The following GAL3ST1 variants were observed in gnomAD, a reference collection of about 807,000 sequenced individuals.
The protein encoded by GAL3ST1 is galactosylceramide sulfotransferase.
A neutral mutation model predicts 25.0 loss-of-function variants in GAL3ST1; 13 were observed. That is an observed-to-expected ratio of 0.52 (90% CI 0.34 to 0.83). GAL3ST1 has a LOEUF of 0.83. Among genes scored for constraint, GAL3ST1 ranks in the 40% least tolerant of loss-of-function variants. The pLI is 0.02. For synonymous variants in GAL3ST1, 274 were observed against 277.8 expected (o/e 0.99, Z 0.14); for missense variants, 474 against 613.6 (o/e 0.77, Z 2.40).
At chr22:30,564,245 T>C (rs1887333451) in intron 1 of GAL3ST1, among the ~76,000 whole-genome samples, 1 of 152,224 alleles carries the variant, frequency 6.6e-6, no homozygotes, top group South Asian at 2.1e-4. Context: ...ATCATTATCA[T>C]CATTACGTTC....
intron 1 of GAL3ST1, among the ~76,000 whole-genome samples, chr22:30,559,115 G>A (rs2086218123): frequency 6.6e-6 from 1 of 151,696 alleles, no homozygotes; most frequent in South Asian, 2.1e-4. Context: ...CCAAGATGGT[G>A]CCACTGTATT....
rs2086723276 is a variant in GAL3ST1, at chr22:30,569,621, G to T, written c.-120+4845C>A. ...GGGGAGGGAAAGAGGTAGGCGGGGA[G>T]CTGGGCACCAAAGTGGGAATTGAGG... is the stretch of plus-strand genomic sequence containing the variant. On this transcript the variant is annotated intron_variant, in intron 1 of 3. Coordinates refer to ENST00000406361, the MANE Select transcript of GAL3ST1 (RefSeq NM_001318104.2). Among the ~76,000 whole-genome samples the T allele has an allele frequency of 2.6e-5, 4 of 152,104 alleles. No individual in the cohort carries two copies. The South Asian group carries it at 8.3e-4, about 31-fold the overall frequency.
Position 30,555,967 on chromosome 22 carries a change from C to T in GAL3ST1, c.258G>A (p.Thr86=), listed in dbSNP as rs1209588233. ...GGATGTTGAGCAGGGTGCTGCTGGCCGTCTTGTGCGTCTTCAAGAACACGA... is the reference window on the plus strand; with the variant it reads ...GGATGTTGAGCAGGGTGCTGCTGGCTGTCTTGTGCGTCTTCAAGAACACGA... ...RNIVFLKTHK[T]ASSTLLNILF... is the part of the protein sequence containing the mutation. The change falls in exon 4 of 4, where the codon ACG becomes ACA. Residue 86 remains threonine (T), a synonymous_variant. Coordinates refer to ENST00000406361, the MANE Select transcript of GAL3ST1 (RefSeq NM_001318104.2). This position sits in a 1 kb window ranked among gnomAD's most constrained non-coding sequence, Gnocchi z 8.6. The T allele has an allele frequency of 5.0e-6, 8 of 1,613,872 alleles. No individual in the cohort carries two copies. The South Asian group carries it at 6.6e-5, about 13-fold the overall frequency.
At chr22:30,561,632 C>G (rs2086412666) in intron 1 of GAL3ST1, among the ~76,000 whole-genome samples, 1 of 152,174 alleles carries the variant, frequency 6.6e-6, no homozygotes, top group African/African-American at 2.4e-5. Context: ...CTGTCCCAAG[C>G]CCAGGGGAAG....
intron 1 of GAL3ST1, among the ~76,000 whole-genome samples, chr22:30,572,090 C>A (rs150171569): frequency 0.012 from 1,778 of 152,244 alleles, 10 homozygotes; most frequent in Non-Finnish European, 0.018. Flanking sequence ...CTTAGAGAAG[C>A]GCTAACTGGG....
At chr22:30,557,191 A>G in intron 3 of GAL3ST1, 71 bp downstream of exon 3, 2 of 1,527,506 alleles carry the variant, frequency 1.3e-6, no homozygotes, top group Non-Finnish European at 1.8e-6. Context: ...TGTGGTAATT[A>G]CAGGGCCCCA....
chr22:30,561,372 G>C (rs1041830543), intron 1 of GAL3ST1, among the ~76,000 whole-genome samples: 1 of 152,214 alleles, frequency 6.6e-6, no homozygotes, highest in South Asian at 2.1e-4. Context: ...CCCAAAGCAG[G>C]GGCCTGCCTC....
intron 1 of GAL3ST1, chr22:30,572,724 T>C (rs1464308097): frequency 6.6e-6 from 1 of 152,320 alleles, no homozygotes; most frequent in Non-Finnish European, 1.5e-5. Flanking sequence ...ATGACCCCCA[T>C]GGGCACCTGT....
chr22:30,555,311 G>C lies in GAL3ST1; in HGVS notation c.914C>G (p.Ser305Cys). ...GGCGTTGAAGTGGCGGTAGAGGTGG[G>C]AGTCCAGCATGTTCCAGGCGGTGGC... The part of the protein sequence containing the change: ...GRATAWNMLD[S>C]HLYRHFNASF... Residue 305 changes from serine (S) to cysteine (C), a missense_variant, in exon 4 of 4, where the codon TCC becomes TGC. Physicochemically the swap from Ser to Cys is moderately radical, Grantham distance 112. Coordinates refer to ENST00000406361, the MANE Select transcript of GAL3ST1 (RefSeq NM_001318104.2). This position sits in a 1 kb window ranked among gnomAD's most constrained non-coding sequence, Gnocchi z 8.6. 6.2e-7 allele frequency: 1 copy of C among 1,604,766 alleles called. No homozygotes were observed. Among genetic ancestry groups the C allele is most frequent in the Non-Finnish European group, 8.5e-7 (1 of 1,177,122 alleles).
rs1418659565 is a variant in GAL3ST1, at chr22:30,556,087, C to T, written c.138G>A (p.Pro46=). 3 of 1,601,964 alleles carry T rather than the reference C, an allele frequency of 1.9e-6. No individual in the cohort carries two copies. The highest frequency in any genetic ancestry group is 1.7e-5 in the Admixed American group (1 of 59,834). The change falls in exon 4 of 4, where the codon CCG becomes CCA. Residue 46 remains proline (P), a synonymous_variant. Transcript: ENST00000406361. ...PLHAGLASTT[P]EAAASCSPPA... ...GTGGAGAGCAGGACGCTGCGGCCTC[C>T]GGGGTCCTGCTGGGGACAGAGAGGT...
chr22:30,566,527 G>T (rs192142781), intron 1 of GAL3ST1, among the ~76,000 whole-genome samples: 162 of 152,316 alleles, frequency 1.1e-3, no homozygotes, highest in Middle Eastern at 3.4e-3. Flanking sequence ...GGGAAGCAAA[G>T]ATTTCCAGAG....
chr22:30,557,623 G>A, intron 2 of GAL3ST1: 2 of 471,646 alleles, frequency 4.2e-6, no homozygotes, highest in Non-Finnish European at 7.5e-6. Context: ...CTCAAAGAGA[G>A]GTTGGGGAAT....
At chr22:30,574,292 C>T (rs927711525) in intron 1 of GAL3ST1, among the ~76,000 whole-genome samples, 174 bp downstream of exon 1, 3 of 152,124 alleles carry the variant, frequency 2.0e-5, no homozygotes, top group Non-Finnish European at 4.4e-5. Flanking sequence ...TACCAGGCCA[C>T]CCTCTGGCAG....
chr22:30,568,463 G>A (rs749449042), intron 1 of GAL3ST1, among the ~76,000 whole-genome samples: 6 of 152,222 alleles, frequency 3.9e-5, no homozygotes, highest in Admixed American at 6.5e-5. Flanking sequence ...TGGTCTCCAA[G>A]GATCTGGGCA....
intron 1 of GAL3ST1, 91 bp from the exon 2 acceptor site, chr22:30,558,479 GC>G (rs1346123048): frequency 6.6e-6 from 1 of 152,206 alleles, no homozygotes; most frequent in African/African-American, 2.4e-5. Flanking sequence ...CTGGGCCAGG[GC>G]TGTCTATAGG....
At chr22:30,556,668 C>T (rs915030236) in intron 3 of GAL3ST1, among the ~76,000 whole-genome samples, 2 of 152,164 alleles carry the variant, frequency 1.3e-5, no homozygotes, top group Admixed American at 6.5e-5. Flanking sequence ...CAAATCTGAG[C>T]CCTGTACAGA....
At chr22:30,566,926 G>A (rs761640140) in intron 1 of GAL3ST1, among the ~76,000 whole-genome samples, 1 of 151,858 alleles carries the variant, frequency 6.6e-6, no homozygotes, top group Non-Finnish European at 1.5e-5. Context: ...TCTTTGGCTG[G>A]TTCTCTACCC....
rs1046325119 is a variant in GAL3ST1, at chr22:30,569,449, T to C, written c.-120+5017A>G. 2.0e-5 allele frequency among the ~76,000 whole-genome samples: 3 copies of C among 152,112 alleles called. No individual in the cohort carries two copies. The East Asian group carries it at 5.8e-4, about 29-fold the overall frequency. The stretch of plus-strand genomic sequence containing the variant: ...GCTGGCTGGAGGTAGAGCTAGTCCC[T>C]GAGTCTGGGAGGCTGAGAAAGGGCC... On this transcript the variant is annotated intron_variant, in intron 1 of 3. Transcript: ENST00000406361.
rs2086858155 is a variant in GAL3ST1 at position 30,574,657 on chromosome 22, C to A, written c.-311G>T. 1 of 147,526 alleles carries A rather than the reference C, an allele frequency of 6.8e-6. No individual in the cohort carries two copies. The highest frequency in any genetic ancestry group is 1.8e-4 in the South Asian group (1 of 5,554). The allele number at this position is 147,526 out of a possible 1,614,324, so 9.1% of individuals were successfully genotyped here. A position where few individuals can be genotyped will look rare whatever the true frequency, so the allele number is the denominator to read the frequency against. On this transcript the variant is annotated 5_prime_UTR_variant, in exon 1 of 4. Transcript: ENST00000406361. Reference sequence around the variant, plus strand: ...GCGCCCGCTCCCGGCCAGGTGCCGCCGCCAGCCTGGCCCAGCCTCCGGCGC... The same window carrying A: ...GCGCCCGCTCCCGGCCAGGTGCCGCAGCCAGCCTGGCCCAGCCTCCGGCGC...
Sources: allele counts gnomAD v4.1 joint callset (sites outside exome capture counted in the v4.1 genomes callset), GRCh38; gene constraint gnomAD v4.1.1; non-coding constraint Gnocchi (gnomAD v3.1); transcripts MANE v1.5; gene names NCBI Gene and HGNC (gene_info 2026-07-23, HGNC 2026-07-21).